Variants in EPCAM observed in about 807,000 individuals in gnomAD.
The protein encoded by EPCAM is adenocarcinoma-associated antigen.
A neutral mutation model predicts 40.0 loss-of-function variants in EPCAM; 39 were observed. The observed-to-expected ratio is 0.98, with a 90% CI of 0.76 to 1.27. The LOEUF is 1.27. Among genes scored for constraint, EPCAM ranks in the 50% most tolerant of loss-of-function variants. The pLI is 0.00. For missense variants in EPCAM, 503 were observed against 381.2 expected (o/e 1.32, Z -2.66); for synonymous variants, 168 against 132.3 (o/e 1.27, Z -1.85).
Position 47,369,514 on chromosome 2 carries a change from C to A in EPCAM, c.9C>A (p.Pro3=), listed in dbSNP as rs532872105. MA[P]PQVLAFGLLL... is the part of the protein sequence containing the mutation. The stretch of plus-strand genomic sequence containing the variant: ...CTCGGCGCGCGCGCAGCATGGCGCC[C>A]CCGCAGGTCCTCGCGTTCGGGCTTC... The change falls in exon 1 of 9, where the codon CCC becomes CCA. Residue 3 remains proline, a synonymous_variant. Coordinates refer to ENST00000263735, the MANE Select transcript of EPCAM (RefSeq NM_002354.3). 16 of 1,559,372 alleles carry A rather than the reference C, an allele frequency of 1.0e-5. No individual in the cohort carries two copies. Among genetic ancestry groups the A allele is most frequent in the Admixed American group, 5.7e-5 (3 of 52,272 alleles).
At chr2:47,382,493 C>G (rs1219869327) in intron 7 of EPCAM, among the ~76,000 whole-genome samples, 1 of 152,012 alleles carries the variant, frequency 6.6e-6, no homozygotes, top group Non-Finnish European at 1.5e-5. Flanking sequence ...CCGAGACCAG[C>G]CTGACCAACA....
chr2:47,373,545 A>G lies in EPCAM; in HGVS notation c.159A>G (p.Ala53=), dbSNP rs150562209. ...NRQCQCTSVG[A]QNTVICSKLA... ...AATGCCAGTGTACTTCAGTTGGTGC[A>G]CAAAATACTGTCATTTGCTCAAAGC... The change falls in exon 2 of 9, where the codon GCA becomes GCG. Residue 53 remains alanine, a synonymous_variant. Transcript: ENST00000263735. 10 of 1,612,958 alleles carry G rather than the reference A, an allele frequency of 6.2e-6. No homozygotes were observed. In the South Asian group the frequency reaches 7.7e-5, roughly 12 times the overall value.
chr2:47,385,297 A>C lies in EPCAM; in HGVS notation c.903+87A>C, dbSNP rs1476339650. The C allele has an allele frequency of 9.5e-5, 103 of 1,080,490 alleles. 4 individuals are homozygous for C. The South Asian group carries it at 9.9e-4, about 10-fold the overall frequency. 66.9% of individuals were successfully genotyped at this position (1,080,490 alleles called of 1,614,324 possible). A position where few individuals can be genotyped will look rare whatever the true frequency, so the allele number is the denominator to read the frequency against. On this transcript the variant is annotated intron_variant, in intron 8 of 8. Transcript: ENST00000263735. ...ACCTTCCTACACACTGATGCATTTCAGTTATACTGGAGTCCCTTTATACTG... is the reference window on the plus strand; with the variant it reads ...ACCTTCCTACACACTGATGCATTTCCGTTATACTGGAGTCCCTTTATACTG...
chr2:47,385,868 G>T (rs891972761), intron 8 of EPCAM, among the ~76,000 whole-genome samples: 1 of 152,162 alleles, frequency 6.6e-6, no homozygotes, highest in African/African-American at 2.4e-5. Flanking sequence ...TCTGTAGTAG[G>T]TCATCTGGTT....
intron 2 of EPCAM, 67 bp from the exon 3 acceptor site, chr2:47,373,741 A>C (rs1207702792): frequency 1.9e-6 from 3 of 1,599,872 alleles, no homozygotes; most frequent in Non-Finnish European, 2.6e-6. Flanking sequence ...CTTTAGAGTT[A>C]ATTTTTTTTT....
intron 7 of EPCAM, 109 bp downstream of exon 7, chr2:47,380,078 G>A: frequency 6.6e-7 from 1 of 1,515,996 alleles, no homozygotes; most frequent in South Asian, 1.2e-5. Context: ...CACTTTGGGA[G>A]GCTGAGACAG....
chr2:47,380,054 A>G (rs1671548614), intron 7 of EPCAM, 85 bp downstream of exon 7: 1 of 1,545,626 alleles, frequency 6.5e-7, no homozygotes. Flanking sequence ...GGCTCACCAC[A>G]CCTGTTATCC....
chr2:47,375,127 T>C, intron 3 of EPCAM, 107 bp from the exon 4 acceptor site: 1 of 775,310 alleles, frequency 1.3e-6, no homozygotes. Flanking sequence ...TGCATAAATT[T>C]TTTTTCTCTT....
At chr2:47,383,892 C>G (rs1323339305) in intron 7 of EPCAM, among the ~76,000 whole-genome samples, 1 of 151,794 alleles carries the variant, frequency 6.6e-6, no homozygotes, top group Admixed American at 6.6e-5. Flanking sequence ...TCACTTCGGC[C>G]TCCCAAAGTG....
intron 5 of EPCAM, among the ~76,000 whole-genome samples, chr2:47,377,967 T>G (rs1013080711): frequency 4.6e-5 from 7 of 152,058 alleles, no homozygotes; most frequent in Non-Finnish European, 8.8e-5. Flanking sequence ...GCACGGTGGC[T>G]CACGCCTGTA....
At chr2:47,373,374 T>G in intron 1 of EPCAM, 89 bp from the exon 2 acceptor site, 1 of 847,686 alleles carries the variant, frequency 1.2e-6, no homozygotes, top group Non-Finnish European at 1.9e-6. Flanking sequence ...CCTTGTAACT[T>G]TAGGCATTAT....
intron 5 of EPCAM, among the ~76,000 whole-genome samples, chr2:47,378,437 G>A (rs1289213219): frequency 3.3e-5 from 5 of 151,802 alleles, no homozygotes; most frequent in African/African-American, 1.2e-4. Context: ...TGGTAGCTGG[G>A]ATTACAGGCA....
Position 47,377,070 on chromosome 2 carries a change from G to A in EPCAM, c.548G>A (p.Ser183Asn), listed in dbSNP as rs2103753486. Reference protein sequence around the residue: ...RYQLDPKFITSILYENNVITI... With the variant: ...RYQLDPKFITNILYENNVITI... ...CAACTGGATCCAAAATTTATCACGA[G>A]TATTTTGGTATGATTTTTTAATAAG... is the stretch of plus-strand genomic sequence containing the variant. The change falls in exon 5 of 9, where the codon AGT becomes AAT. Residue 183 changes from serine (S) to asparagine (N), a missense_variant. By Grantham distance (46) the Ser-to-Asn change is conservative (BLOSUM62 1). Coordinates refer to ENST00000263735, the MANE Select transcript of EPCAM (RefSeq NM_002354.3). 4 of 1,599,742 alleles carry A rather than the reference G, an allele frequency of 2.5e-6. No homozygotes were observed. Among genetic ancestry groups the A allele is most frequent in the South Asian group, 1.1e-5 (1 of 90,836 alleles).
At chr2:47,384,250 C>T (rs563548363) in intron 7 of EPCAM, among the ~76,000 whole-genome samples, 1 of 149,480 alleles carries the variant, frequency 6.7e-6, no homozygotes, top group African/African-American at 2.5e-5. Context: ...ATTACAGGCG[C>T]CTGCCACCAC....
chr2:47,380,069 A>C (rs1671549106), intron 7 of EPCAM, 100 bp downstream of exon 7: 1 of 1,531,856 alleles, frequency 6.5e-7, no homozygotes, highest in South Asian at 1.2e-5. Context: ...TTATCCCTAC[A>C]CTTTGGGAGG....
chr2:47,370,978 G>T (rs571958450), intron 1 of EPCAM, among the ~76,000 whole-genome samples: 1 of 152,106 alleles, frequency 6.6e-6, no homozygotes, highest in Admixed American at 6.6e-5. Flanking sequence ...CTCCCAAAGT[G>T]CTGGGATTAC....
chr2:47,373,013 C>T (rs936842485), intron 1 of EPCAM, among the ~76,000 whole-genome samples: 1 of 151,548 alleles, frequency 6.6e-6, no homozygotes, highest in Admixed American at 6.6e-5. Context: ...CAAAACCAGC[C>T]TGGGCAACAT....
intron 7 of EPCAM, among the ~76,000 whole-genome samples, chr2:47,383,748 C>T (rs1220832910): frequency 6.8e-6 from 1 of 146,914 alleles, no homozygotes; most frequent in Middle Eastern, 3.4e-3. Context: ...CATTTTCTTG[C>T]CTCAGCTTCC....
rs1228140225 is a variant in EPCAM at position 47,369,552 on chromosome 2, C to G, written c.47C>G (p.Ala16Gly). The change falls in exon 1 of 9, where the codon GCG becomes GGG. Residue 16 changes from alanine (A) to glycine (G), a missense_variant. By Grantham distance (60) the Ala-to-Gly change is moderately conservative. Coordinates refer to ENST00000263735, the MANE Select transcript of EPCAM (RefSeq NM_002354.3). ...GCGTTCGGGCTTCTGCTTGCCGCGGCGACGGCGACTTTTGCCGCAGCTCAG... is the reference window on the plus strand; with the variant it reads ...GCGTTCGGGCTTCTGCTTGCCGCGGGGACGGCGACTTTTGCCGCAGCTCAG... The part of the protein sequence containing the change: ...VLAFGLLLAA[A>G]TATFAAAQEE... 1.9e-6 allele frequency: 3 copies of G among 1,587,322 alleles called. No individual in the cohort carries two copies. Among genetic ancestry groups the G allele is most frequent in the Non-Finnish European group, 2.6e-6 (3 of 1,170,688 alleles).
Sources: allele counts gnomAD v4.1 joint callset (sites outside exome capture counted in the v4.1 genomes callset), GRCh38; gene constraint gnomAD v4.1.1; transcripts MANE v1.5; gene names NCBI Gene and HGNC (gene_info 2026-07-23, HGNC 2026-07-21).